Variants in SNRNP70 observed in about 807,000 individuals in gnomAD.
The protein encoded by SNRNP70 is U1 small nuclear ribonucleoprotein 70 kDa.
In SNRNP70, 8 loss-of-function variants were observed where a neutral mutation model predicts 50.5. The observed-to-expected ratio is 0.16, with a 90% confidence interval of 0.09 to 0.29. The LOEUF (loss-of-function observed/expected upper bound fraction) is 0.29. Among genes scored for constraint, SNRNP70 ranks in the 10% least tolerant of loss-of-function variants. The pLI, the probability that SNRNP70 is intolerant of heterozygous loss-of-function variation, is 1.00. For synonymous variants in SNRNP70, 320 were observed against 252.9 expected, an observed-to-expected ratio of 1.27 and a Z score of -2.52; for missense variants, 529 against 663.5, an observed-to-expected ratio of 0.80 and a Z score of 2.23.
rs545787123 is a variant in SNRNP70, at chr19:49,089,431, C to T, written c.148-860C>T. Among the ~76,000 whole-genome samples, 6 of 151,546 alleles carry T rather than the reference C, an allele frequency of 4.0e-5. No individual in the cohort carries two copies. In the East Asian group the frequency reaches 5.9e-4, roughly 15 times the overall value. On this transcript the variant is annotated intron_variant, in intron 2 of 9. Transcript: ENST00000598441. ...AGCGGAGGTTGCAGTGAGCCCAGAT[C>T]GCGCCATTGCACACCAGCCTGGGCA...
intron 4 of SNRNP70, among the ~76,000 whole-genome samples, chr19:49,097,458 C>A (rs1437135091): frequency 6.6e-6 from 1 of 152,162 alleles, no homozygotes; most frequent in Non-Finnish European, 1.5e-5. Context: ...TATTTATATC[C>A]TACTGCTCGG....
intron 2 of SNRNP70, 128 bp downstream of exon 2, chr19:49,086,689 C>T: frequency 1.2e-6 from 1 of 866,098 alleles, no homozygotes; most frequent in Non-Finnish European, 1.9e-6. Context: ...TTGTGATCCT[C>T]AGTTTCTCTG....
Position 49,108,153 on chromosome 19 carries a change from G to C in SNRNP70, c.1024G>C (p.Gly342Arg). The C allele has an allele frequency of 1.3e-6, 2 of 1,542,522 alleles. No homozygotes were observed. Among genetic ancestry groups the C allele is most frequent in the Non-Finnish European group, 1.7e-6 (2 of 1,144,074 alleles). The change falls in exon 10 of 10, where the codon GGT becomes CGT. Residue 342 changes from glycine to arginine, a missense_variant. This residue lies in a region of SNRNP70 where 327 missense variants were observed against 308.8 expected (regional missense o/e 1.06). Transcript: ENST00000598441. ...PGELGPDGPD[G>R]PEEKGRDRDR... ...GGAGCTCGGGCCTGACGGCCCTGAC[G>C]GTCCAGAGGAAAAGGGCCGGGATCG...
intron 4 of SNRNP70, among the ~76,000 whole-genome samples, chr19:49,097,164 G>C (rs1413941184): frequency 6.6e-6 from 1 of 151,980 alleles, no homozygotes; most frequent in African/African-American, 2.4e-5. Context: ...TATTTCTCTA[G>C]CTTCTGGCAA....
chr19:49,090,286 C>T lies in SNRNP70; in HGVS notation c.148-5C>T, dbSNP rs974524125. ...CCACCCTGTCACCTCTCTTCTTGTT[C>T]CCAGGACCCTCGAGATGCCCCTCCT... On this transcript the variant is annotated splice_polypyrimidine_tract_variant and splice_region_variant and intron_variant, in intron 2 of 9. Coordinates refer to ENST00000598441, the MANE Select transcript of SNRNP70 (RefSeq NM_003089.6). The T allele has an allele frequency of 2.5e-6, 4 of 1,613,418 alleles. No individual in the cohort carries two copies. In the African/African-American group the frequency reaches 5.3e-5, roughly 22 times the overall value.
intron 4 of SNRNP70, among the ~76,000 whole-genome samples, chr19:49,097,842 C>T (rs2040532135): frequency 6.6e-6 from 1 of 152,174 alleles, no homozygotes; most frequent in East Asian, 1.9e-4. Flanking sequence ...TGATCTGACG[C>T]TAGTCAGTTC....
intron 4 of SNRNP70, among the ~76,000 whole-genome samples, chr19:49,090,810 T>G (rs1161626987): frequency 6.6e-6 from 1 of 152,102 alleles, no homozygotes; most frequent in East Asian, 1.9e-4. Flanking sequence ...TGTCACAGGC[T>G]GAAGTGGTGG....
At chr19:49,087,026 A>C (rs2040389796) in intron 2 of SNRNP70, among the ~76,000 whole-genome samples, 1 of 151,996 alleles carries the variant, frequency 6.6e-6, no homozygotes, top group Non-Finnish European at 1.5e-5. Flanking sequence ...TCTCTGCTAA[A>C]AATAACAAAA....
intron 4 of SNRNP70, among the ~76,000 whole-genome samples, chr19:49,094,257 C>T (rs1235400301): frequency 2.0e-5 from 3 of 152,034 alleles, no homozygotes; most frequent in East Asian, 3.9e-4. Flanking sequence ...GTAATCCCAG[C>T]ACTCTGGGAG....
Position 49,107,909 on chromosome 19 carries a change from G to A in SNRNP70, c.780G>A (p.Arg260=). Residue 260 remains arginine, a synonymous_variant, in exon 10 of 10, where the codon CGG becomes CGA. Coordinates refer to ENST00000598441, the MANE Select transcript of SNRNP70 (RefSeq NM_003089.6). The surrounding 1 kb of genome is among the most constrained non-coding windows in gnomAD (Gnocchi z 6.0). ...GAGAACGGCGACGCTCCCGCTCCCG[G>A]GACCGGCGGAGGCGCTCACGGAGTC... The part of the protein sequence containing the change: ...KERERRRSRS[R]DRRRRSRSRD... 6.5e-7 allele frequency: 1 copy of A among 1,548,306 alleles called. No homozygotes were observed. The highest frequency in any genetic ancestry group is 8.7e-7 in the Non-Finnish European group (1 of 1,146,740).
At chr19:49,105,125 T>G (rs947104182) in intron 8 of SNRNP70, among the ~76,000 whole-genome samples, 7 of 152,104 alleles carry the variant, frequency 4.6e-5, no homozygotes, top group African/African-American at 1.7e-4. Flanking sequence ...CTCATCTGCT[T>G]CTGCTGCTTG....
chr19:49,101,514 C>A, intron 7 of SNRNP70, 43 bp downstream of exon 7: 1 of 1,401,132 alleles, frequency 7.1e-7, no homozygotes, highest in Non-Finnish European at 1.0e-6. Context: ...CCTGCTCTCA[C>A]TTCTCTGCTG....
intron 4 of SNRNP70, among the ~76,000 whole-genome samples, chr19:49,093,805 C>G (rs946266014): frequency 1.1e-4 from 17 of 151,450 alleles, no homozygotes; most frequent in African/African-American, 3.9e-4. Flanking sequence ...ACCAGCCTGG[C>G]CAACATGGTG....
chr19:49,086,745 C>CT (rs770686885), intron 2 of SNRNP70, among the ~76,000 whole-genome samples, 184 bp downstream of exon 2: 21 of 152,028 alleles, frequency 1.4e-4, no homozygotes, highest in Admixed American at 4.6e-4. Flanking sequence ...TCGAGTGCGT[C>CT]TGTAGTCTCA....
intron 4 of SNRNP70, among the ~76,000 whole-genome samples, chr19:49,093,371 C>T (rs1177842519): frequency 1.3e-5 from 2 of 152,196 alleles, no homozygotes; most frequent in Admixed American, 1.3e-4. Flanking sequence ...CAGGGCGTAG[C>T]CACCACACCC....
At chr19:49,105,748 C>CA (rs1021517864) in intron 8 of SNRNP70, among the ~76,000 whole-genome samples, 2 of 150,504 alleles carry the variant, frequency 1.3e-5, no homozygotes, top group South Asian at 4.2e-4. Flanking sequence ...AAACAAAAAA[C>CA]AAAAAAACTG....
At chr19:49,090,192 G>A in intron 2 of SNRNP70, 99 bp from the exon 3 acceptor site, 2 of 982,040 alleles carry the variant, frequency 2.0e-6, no homozygotes, top group Non-Finnish European at 3.2e-6. Flanking sequence ...TTTTGTAGGG[G>A]GTGGGGGTGG....
chr19:49,088,447 C>G (rs1426151913), intron 2 of SNRNP70, among the ~76,000 whole-genome samples: 7 of 149,204 alleles, frequency 4.7e-5, no homozygotes, highest in Non-Finnish European at 8.9e-5. Context: ...GATCTGCCCA[C>G]TTTGGCCTTC....
chr19:49,093,749 T>C (rs1400627491), intron 4 of SNRNP70, among the ~76,000 whole-genome samples: 5 of 148,850 alleles, frequency 3.4e-5, no homozygotes, highest in Non-Finnish European at 7.4e-5. Context: ...TGTCCAGCAC[T>C]TTGGGAGGCT....
Sources: allele counts gnomAD v4.1 joint callset (sites outside exome capture counted in the v4.1 genomes callset), GRCh38; gene constraint gnomAD v4.1.1; regional missense constraint gnomAD v4.1.1; non-coding constraint Gnocchi (gnomAD v3.1); transcripts MANE v1.5; gene names NCBI Gene and HGNC (gene_info 2026-07-23, HGNC 2026-07-21).